RBFOX1: variants seen among roughly 807,000 people sequenced by gnomAD.
RBFOX1 encodes the protein RNA binding fox-1 homolog 1, also known as RNA binding protein fox-1 homolog 1.
A neutral mutation model predicts 57.7 loss-of-function variants in RBFOX1; 8 were observed. That is an observed-to-expected ratio of 0.14 (90% CI 0.08 to 0.25). RBFOX1 has a LOEUF of 0.25. Among genes scored for constraint, RBFOX1 ranks in the 10% least tolerant of loss-of-function variants. The probability of loss-of-function intolerance (pLI) is 1.00; values close to 1 mark genes in which losing one functional copy is unlikely to be tolerated. For missense variants in RBFOX1, 611 were observed against 548.5 expected (o/e 1.11, Z -1.14); for synonymous variants, 326 against 222.4 (o/e 1.47, Z -4.15).
chr16:7,493,230 G>C (rs1006289239), intron 4 of RBFOX1, among the ~76,000 whole-genome samples: 9 of 151,678 alleles, frequency 5.9e-5, no homozygotes, highest in Admixed American at 3.3e-4. Flanking sequence ...TTCAAGAACA[G>C]ACTAACACAC....
At chr16:6,742,217 A>G (rs1320452994) in intron 3 of RBFOX1, among the ~76,000 whole-genome samples, 1 of 152,346 alleles carries the variant, frequency 6.6e-6, no homozygotes, top group Admixed American at 6.5e-5. Flanking sequence ...TATGGAGGCA[A>G]TCAAGAACAT....
intron 3 of RBFOX1, among the ~76,000 whole-genome samples, chr16:6,694,558 C>G (rs1436031211): frequency 1.3e-5 from 2 of 152,056 alleles, no homozygotes; most frequent in Non-Finnish European, 2.9e-5. Flanking sequence ...ACATTTTGTT[C>G]ACTGAGGGCC....
chr16:7,573,680 A>G (rs1382393093), intron 5 of RBFOX1, among the ~76,000 whole-genome samples: 2 of 151,962 alleles, frequency 1.3e-5, no homozygotes, highest in South Asian at 2.1e-4. Flanking sequence ...GTAAAAATAC[A>G]AAAATGAGCC....
At chr16:5,576,098 C>G (rs1386809985) in intron 2 of RBFOX1, among the ~76,000 whole-genome samples, 1 of 152,130 alleles carries the variant, frequency 6.6e-6, no homozygotes, top group African/African-American at 2.4e-5. Flanking sequence ...GCAATTCTGC[C>G]TCTGCCTCCA....
Position 6,510,470 on chromosome 16 carries a change from A to G in RBFOX1, c.-63-144133A>G, listed in dbSNP as rs372180975. On this transcript the variant is annotated intron_variant, in intron 2 of 15. Coordinates refer to ENST00000550418, the MANE Select transcript of RBFOX1 (RefSeq NM_018723.4). Reference sequence around the variant, plus strand: ...CACTAAGAAAGATGTGATTTTGGTCACAGAGGAGACCAGGTGAGGGACAGC... The same window carrying G: ...CACTAAGAAAGATGTGATTTTGGTCGCAGAGGAGACCAGGTGAGGGACAGC... 3.3e-5 allele frequency among the ~76,000 whole-genome samples: 5 copies of G among 152,340 alleles called. No individual in the cohort carries two copies. In the South Asian group the frequency reaches 1.0e-3, roughly 32 times the overall value.
chr16:5,438,369 G>A (rs1229770710), intron 1 of RBFOX1, among the ~76,000 whole-genome samples: 1 of 152,180 alleles, frequency 6.6e-6, no homozygotes, highest in African/African-American at 2.4e-5. Context: ...GGTATTTGTT[G>A]AGCATCTGCT....
At chr16:6,128,578 A>G (rs2096606685) in intron 1 of RBFOX1, among the ~76,000 whole-genome samples, 1 of 152,210 alleles carries the variant, frequency 6.6e-6, no homozygotes, top group African/African-American at 2.4e-5. Context: ...ACTGAGCTGA[A>G]GATTTGAAGA....
intron 4 of RBFOX1, among the ~76,000 whole-genome samples, chr16:7,345,844 A>G (rs1262312734): frequency 6.6e-6 from 1 of 151,848 alleles, no homozygotes; most frequent in East Asian, 1.9e-4. Context: ...TATTTTTATT[A>G]TACTTTAAGT....
At chr16:5,885,764 T>G (rs2057883009) in intron 4 of RBFOX1, among the ~76,000 whole-genome samples, 1 of 152,162 alleles carries the variant, frequency 6.6e-6, no homozygotes, top group Admixed American at 6.5e-5. Context: ...AGGCATTCAT[T>G]GACAAACCTT....
At chr16:7,481,881 G>T (rs991814922) in intron 4 of RBFOX1, among the ~76,000 whole-genome samples, 1 of 152,114 alleles carries the variant, frequency 6.6e-6, no homozygotes, top group African/African-American at 2.4e-5. Flanking sequence ...TAACACAGAG[G>T]CTATCTTACA....
intron 3 of RBFOX1, among the ~76,000 whole-genome samples, chr16:6,679,466 T>A (rs1282905397): frequency 6.6e-6 from 1 of 152,160 alleles, no homozygotes; most frequent in Non-Finnish European, 1.5e-5. Context: ...TTCCTTTCTT[T>A]GACCTGGGAA....
chr16:7,462,869 C>G (rs1339519641), intron 4 of RBFOX1, among the ~76,000 whole-genome samples: 1 of 152,192 alleles, frequency 6.6e-6, no homozygotes, highest in African/African-American at 2.4e-5. Context: ...ATCACTCTGA[C>G]TCTAGTTGGA....
chr16:6,050,231 A>G (rs2095538876), intron 1 of RBFOX1, among the ~76,000 whole-genome samples: 1 of 152,154 alleles, frequency 6.6e-6, no homozygotes, highest in Non-Finnish European at 1.5e-5. Context: ...AAGTGCTGGG[A>G]TTACAGCTGT....
intron 3 of RBFOX1, among the ~76,000 whole-genome samples, chr16:5,674,471 A>C (rs1188537345): frequency 6.6e-6 from 1 of 152,062 alleles, no homozygotes; most frequent in Non-Finnish European, 1.5e-5. Flanking sequence ...CTCACGTTTG[A>C]CTCCAGAATC....
intron 3 of RBFOX1, among the ~76,000 whole-genome samples, chr16:6,886,224 G>A (rs1480799195): frequency 6.6e-6 from 1 of 151,922 alleles, no homozygotes; most frequent in Admixed American, 6.6e-5. Context: ...ACCACGCTTA[G>A]CTAATTTTTG....
intron 2 of RBFOX1, among the ~76,000 whole-genome samples, chr16:6,612,007 G>T (rs986424985): frequency 1.2e-4 from 18 of 152,058 alleles, no homozygotes; most frequent in Non-Finnish European, 1.5e-4. Flanking sequence ...TCCCCTTGAT[G>T]AAAAAATTCC....
intron 1 of RBFOX1, among the ~76,000 whole-genome samples, chr16:5,375,528 G>A (rs959494137): frequency 8.5e-5 from 13 of 152,190 alleles, no homozygotes; most frequent in African/African-American, 2.4e-4. Flanking sequence ...AGAGGACTGC[G>A]AGGTGTGTAC....
chr16:5,785,399 A>T (rs1173495843), intron 3 of RBFOX1, among the ~76,000 whole-genome samples: 1 of 152,118 alleles, frequency 6.6e-6, no homozygotes, highest in East Asian at 1.9e-4. Flanking sequence ...GCAGGAAATG[A>T]AGCTACTTTG....
intron 3 of RBFOX1, among the ~76,000 whole-genome samples, chr16:7,036,254 T>C (rs374270426): frequency 2.0e-5 from 3 of 152,124 alleles, no homozygotes; most frequent in African/African-American, 7.2e-5. Context: ...TTTATTTCTT[T>C]TGACATTCTC....
Sources: allele counts gnomAD v4.1 joint callset (sites outside exome capture counted in the v4.1 genomes callset), GRCh38; gene constraint gnomAD v4.1.1; transcripts MANE v1.5; gene names NCBI Gene and HGNC (gene_info 2026-07-23, HGNC 2026-07-21).